Variants in ECPAS observed in about 807,000 individuals in gnomAD.
ECPAS encodes the protein Ecm29 proteasome adaptor and scaffold.
A neutral mutation model predicts 255.1 loss-of-function variants in ECPAS; 70 were observed. The observed-to-expected ratio is 0.27, with a 90% confidence interval of 0.23 to 0.33. ECPAS has a LOEUF of 0.33. ECPAS is among the 10% of genes least tolerant of loss of function. ECPAS has a pLI of 1.00. For missense variants in ECPAS, 1,817 were observed against 2,206.4 expected (o/e 0.82, Z 3.54); for synonymous variants, 784 against 775.0 (o/e 1.01, Z -0.19).
intron 38 of ECPAS, 132 bp from the exon 39 acceptor site, chr9:111,374,170 T>C (rs1045348290): frequency 4.5e-5 from 27 of 594,646 alleles, no homozygotes; most frequent in East Asian, 8.2e-5. Flanking sequence ...GGACTCAATA[T>C]AGAAAAAGGC....
Position 111,408,682 on chromosome 9 carries a change from C to A in ECPAS, c.2551-10G>T, listed in dbSNP as rs750670170. The A allele has an allele frequency of 1.3e-6, 2 of 1,529,574 alleles. No individual in the cohort carries two copies. Among genetic ancestry groups the A allele is most frequent in the Non-Finnish European group, 1.8e-6 (2 of 1,136,826 alleles). The allele number at this position is 1,529,574 out of a possible 1,614,324, so 94.8% of individuals were successfully genotyped here. ...TTGCTCGTTCTTTCATCTGGAAGAA[C>A]ACCAAATTTTTTTCTTTTAAACAGA... On this transcript the variant is annotated splice_polypyrimidine_tract_variant and intron_variant, in intron 23 of 49. Transcript: ENST00000684092.
chr9:111,401,360 G>T (rs1439888299), intron 24 of ECPAS, among the ~76,000 whole-genome samples: 2 of 152,190 alleles, frequency 1.3e-5, no homozygotes, highest in Non-Finnish European at 2.9e-5. Flanking sequence ...CGCAAAACCA[G>T]CAAGTTTTTA....
intron 24 of ECPAS, among the ~76,000 whole-genome samples, chr9:111,403,049 C>G (rs1285164989): frequency 6.6e-6 from 1 of 152,060 alleles, no homozygotes; most frequent in African/African-American, 2.4e-5. Context: ...CAACTATATG[C>G]TGCCTACAAG....
chr9:111,361,044 A>T lies in ECPAS; in HGVS notation c.*986T>A, dbSNP rs1396208401. On this transcript the variant is annotated 3_prime_UTR_variant, in exon 50 of 50. Transcript: ENST00000684092. The stretch of plus-strand genomic sequence containing the variant: ...GTATCATGTTCTTTTGAGAAAAGGC[A>T]TTTTTTAAAAGAGTAATTCCCAGGT... 6.6e-6 allele frequency: 1 copy of T among 152,200 alleles called. No homozygotes were observed. The highest frequency in any genetic ancestry group is 1.5e-5 in the Non-Finnish European group (1 of 68,036). 9.4% of individuals were successfully genotyped at this position (152,200 alleles called of 1,614,324 possible).
chr9:111,423,258 A>G lies in ECPAS; in HGVS notation c.1216-10T>C. On this transcript the variant is annotated splice_polypyrimidine_tract_variant and intron_variant, in intron 12 of 49. Transcript: ENST00000684092. ...ACAGTAGTTTAGGGTCCTTGAAATT[A>G]AAAAAAGAAAAGAAAGAAAAGAAAG... 1 of 1,537,508 alleles carries G rather than the reference A, an allele frequency of 6.5e-7. No individual in the cohort carries two copies. The highest frequency in any genetic ancestry group is 1.2e-5 in the South Asian group (1 of 82,926).
intron 2 of ECPAS, among the ~76,000 whole-genome samples, chr9:111,470,932 G>A (rs146031885): frequency 1.3e-5 from 2 of 152,102 alleles, no homozygotes; most frequent in African/African-American, 2.4e-5. Context: ...AGCTGGCAGA[G>A]ATACTCAGTT....
chr9:111,408,785 G>A lies in ECPAS; in HGVS notation c.2551-113C>T, dbSNP rs745779351. The A allele has an allele frequency of 8.7e-5, 46 of 526,272 alleles. No individual in the cohort carries two copies. In the Middle Eastern group the frequency reaches 1.3e-3, roughly 15 times the overall value. 32.6% of individuals were successfully genotyped at this position (526,272 alleles called of 1,614,324 possible). The stretch of plus-strand genomic sequence containing the variant: ...AGCGCAGTCTATCTAACACATCAAC[G>A]CAAAAGTTTTTACAAAAGCATCAAA... On this transcript the variant is annotated intron_variant, in intron 23 of 49. Coordinates refer to ENST00000684092, the MANE Select transcript of ECPAS (RefSeq NM_001364929.1).
intron 2 of ECPAS, among the ~76,000 whole-genome samples, chr9:111,466,351 A>C (rs2098279526): frequency 6.6e-6 from 1 of 152,130 alleles, no homozygotes; most frequent in Non-Finnish European, 1.5e-5. Context: ...AGGCTGAGGC[A>C]GGAGAATCGC....
intron 5 of ECPAS, among the ~76,000 whole-genome samples, chr9:111,440,977 C>G (rs1221185260): frequency 6.6e-6 from 1 of 151,540 alleles, no homozygotes; most frequent in African/African-American, 2.4e-5. Context: ...ATGGTGAAAC[C>G]CCGTCTCTAC....
At chr9:111,479,931 A>C (rs1164775006) in intron 1 of ECPAS, among the ~76,000 whole-genome samples, 2 of 150,312 alleles carry the variant, frequency 1.3e-5, no homozygotes, top group African/African-American at 2.5e-5. Context: ...GTGAGCCGAG[A>C]TCGCGCGCCA....
chr9:111,370,838 A>T (rs2098126459), intron 43 of ECPAS, 73 bp from the exon 44 acceptor site: 1 of 1,377,502 alleles, frequency 7.3e-7, no homozygotes, highest in African/African-American at 1.4e-5. Flanking sequence ...CCATGATTAC[A>T]ATTACCTTAG....
At chr9:111,432,936 A>T (rs1008235869) in intron 8 of ECPAS, among the ~76,000 whole-genome samples, 2 of 152,202 alleles carry the variant, frequency 1.3e-5, no homozygotes, top group African/African-American at 4.8e-5. Context: ...AGTTTCTTGG[A>T]ACTGACACTT....
chr9:111,458,684 T>C (rs1176432902), intron 2 of ECPAS, among the ~76,000 whole-genome samples: 1 of 151,960 alleles, frequency 6.6e-6, no homozygotes, highest in Non-Finnish European at 1.5e-5. Flanking sequence ...ACATGGGCAA[T>C]GATCCAATCA....
chr9:111,362,900 T>G (rs2098115539), intron 49 of ECPAS, among the ~76,000 whole-genome samples: 1 of 152,174 alleles, frequency 6.6e-6, no homozygotes, highest in Non-Finnish European at 1.5e-5. Flanking sequence ...CTAAAAGTTC[T>G]GTTTGATGGA....
At chr9:111,410,885 A>G (rs1215417422) in intron 22 of ECPAS, 95 bp downstream of exon 22, 1 of 1,259,872 alleles carries the variant, frequency 7.9e-7, no homozygotes, top group African/African-American at 1.5e-5. Context: ...TGTCTTTTCA[A>G]ATACAATGCC....
Position 111,370,748 on chromosome 9 carries a change from G to T in ECPAS, c.4755C>A (p.Ala1585=). 6.2e-7 allele frequency: 1 copy of T among 1,606,144 alleles called. No individual in the cohort carries two copies. Among genetic ancestry groups the T allele is most frequent in the Non-Finnish European group, 8.5e-7 (1 of 1,176,242 alleles). Residue 1585 remains alanine (A), a synonymous_variant, in exon 44 of 50, where the codon GCC becomes GCA. Coordinates refer to ENST00000684092, the MANE Select transcript of ECPAS (RefSeq NM_001364929.1). ...TWAGKEELLK[A]IACVVTACSA... ...TGCAAGCTGTCACCACACAGGCAATGGCTTTCAATAGCTCCTCCTAAGGGG... is the reference window on the plus strand; with the variant it reads ...TGCAAGCTGTCACCACACAGGCAATTGCTTTCAATAGCTCCTCCTAAGGGG...
chr9:111,474,247 T>C (rs2098293376), intron 1 of ECPAS, among the ~76,000 whole-genome samples: 1 of 152,184 alleles, frequency 6.6e-6, no homozygotes, highest in African/African-American at 2.4e-5. Flanking sequence ...CTGTTCTCTC[T>C]TTCCTTCACT....
intron 6 of ECPAS, among the ~76,000 whole-genome samples, chr9:111,439,522 C>G (rs191127495): frequency 4.6e-5 from 7 of 152,092 alleles, no homozygotes; most frequent in East Asian, 3.9e-4. Flanking sequence ...GTTCGGCCCC[C>G]CCTTCCCAAA....
At chr9:111,388,642 A>G (rs1014252734) in intron 31 of ECPAS, among the ~76,000 whole-genome samples, 1 of 152,166 alleles carries the variant, frequency 6.6e-6, no homozygotes, top group African/African-American at 2.4e-5. Context: ...TACTATGTAG[A>G]TAATTAAATG....
Sources: gnomAD v4.1 joint callset for allele counts (sites outside exome capture counted in the v4.1 genomes callset) on GRCh38, gnomAD v4.1.1 for gene constraint, MANE v1.5 for transcripts, NCBI Gene and HGNC (gene_info 2026-07-23, HGNC 2026-07-21) for gene names.